The following SHISAL1 variants were observed in gnomAD, a reference collection of about 807,000 sequenced individuals.
SHISAL1 encodes shisa like 1.
A neutral mutation model predicts 22.6 loss-of-function variants in SHISAL1; 9 were observed. The observed-to-expected ratio is 0.40, with a 90% CI of 0.24 to 0.70. SHISAL1 has a LOEUF of 0.70. Among genes scored for constraint, SHISAL1 ranks in the 30% least tolerant of loss-of-function variants. SHISAL1 has a pLI of 0.39. For synonymous variants in SHISAL1, 119 were observed against 115.4 expected (o/e 1.03, Z -0.20); for missense variants, 246 against 270.6 (o/e 0.91, Z 0.64).
At chr22:44,288,271 G>C (rs1299964592) in intron 3 of SHISAL1, among the ~76,000 whole-genome samples, 2 of 152,206 alleles carry the variant, frequency 1.3e-5, no homozygotes, top group African/African-American at 2.4e-5. Flanking sequence ...CAGCAGCTGA[G>C]CTCTAGAGTT....
At chr22:44,303,197 G>A (rs187049608) in intron 1 of SHISAL1, among the ~76,000 whole-genome samples, 16 of 152,028 alleles carry the variant, frequency 1.1e-4, no homozygotes, top group Non-Finnish European at 2.2e-4. Context: ...GCCCGGCTCT[G>A]GGCCAGAAGA....
chr22:44,253,666 T>C (rs79016178), intron 4 of SHISAL1, among the ~76,000 whole-genome samples: 9,292 of 151,328 alleles, frequency 0.061, 356 homozygotes, highest in East Asian at 0.094. Context: ...GGTCTTGAAC[T>C]CCTGACCACA....
chr22:44,279,667 C>G (rs2055263124), intron 4 of SHISAL1, among the ~76,000 whole-genome samples: 1 of 152,150 alleles, frequency 6.6e-6, no homozygotes, highest in Admixed American at 6.5e-5. Context: ...TAGGCAGAGG[C>G]CAATGGATGG....
At chr22:44,324,714 T>C in the SHISAL1 span, among the ~76,000 whole-genome samples, 2,020 of 152,318 alleles carry the variant, frequency 0.013, 27 homozygotes, top group Non-Finnish European at 0.018. Context: ...AATCCCAGCA[T>C]AGCCTCGGGA....
At chr22:44,253,832 CTG>C (rs61001074) in intron 4 of SHISAL1, among the ~76,000 whole-genome samples, 88 of 149,034 alleles carry the variant, frequency 5.9e-4, no homozygotes, top group African/African-American at 9.3e-4. Flanking sequence ...AATCTAACAA[CTG>C]TGTGTGTGTG....
At chr22:44,277,818 C>A (rs12483789) in intron 4 of SHISAL1, among the ~76,000 whole-genome samples, 12,276 of 152,258 alleles carry the variant, frequency 0.081, 1,107 homozygotes, top group African/African-American at 0.2. Flanking sequence ...GTTATGAACA[C>A]TTTTCCATCA....
chr22:44,255,573 C>T (rs992401016), intron 4 of SHISAL1, among the ~76,000 whole-genome samples: 1 of 152,246 alleles, frequency 6.6e-6, no homozygotes, highest in Non-Finnish European at 1.5e-5. Flanking sequence ...GCTGCCTCCA[C>T]TGCTCCTACT....
In SHISAL1 at chr22:44,265,166, C is replaced by A. The variant is rs1445153107; in HGVS notation, c.*-15481G>T. Among the ~76,000 whole-genome samples the A allele has an allele frequency of 2.0e-5, 3 of 152,180 alleles. 1 individual carries two copies. Among genetic ancestry groups the A allele is most frequent in the African/African-American group, 7.2e-5 (3 of 41,448 alleles). On this transcript the variant is annotated intron_variant, in intron 4 of 4. Transcript: ENST00000381176. Reference sequence around the variant, plus strand: ...TCCAAAGAATCTACCTTCAGCTACTCACACCCTCCCCTTTGGTACCAAGGG... The same window carrying A: ...TCCAAAGAATCTACCTTCAGCTACTAACACCCTCCCCTTTGGTACCAAGGG...
intron 4 of SHISAL1, among the ~76,000 whole-genome samples, chr22:44,265,985 G>A (rs776991893): frequency 1.3e-5 from 2 of 152,224 alleles, no homozygotes; most frequent in South Asian, 4.1e-4. Flanking sequence ...GTCTGGATCA[G>A]GCTTCTCTGC....
At chr22:44,302,286 G>A (rs1192264269) in intron 1 of SHISAL1, among the ~76,000 whole-genome samples, 2 of 148,476 alleles carry the variant, frequency 1.3e-5, no homozygotes, top group African/African-American at 5.1e-5. Flanking sequence ...GCTGCAGTGA[G>A]CTGAGATCAC....
At chr22:44,264,415 GGA>G (rs2055147328) in intron 4 of SHISAL1, among the ~76,000 whole-genome samples, 1 of 152,152 alleles carries the variant, frequency 6.6e-6, no homozygotes, top group Non-Finnish European at 1.5e-5. Flanking sequence ...GAGCTTTATG[GGA>G]GAGTTTGCTG....
At chr22:44,302,026 C>T (rs1442566277) in intron 1 of SHISAL1, among the ~76,000 whole-genome samples, 5 of 152,120 alleles carry the variant, frequency 3.3e-5, no homozygotes, top group African/African-American at 1.2e-4. Flanking sequence ...TACTCAATGC[C>T]ACTGACTGTC....
intron 1 of SHISAL1, among the ~76,000 whole-genome samples, chr22:44,303,197 G>C (rs187049608): frequency 2.0e-5 from 3 of 152,146 alleles, no homozygotes; most frequent in East Asian, 1.9e-4. Context: ...GCCCGGCTCT[G>C]GGCCAGAAGA....
chr22:44,273,200 C>T (rs191957545), intron 4 of SHISAL1, among the ~76,000 whole-genome samples: 268 of 152,250 alleles, frequency 1.8e-3, no homozygotes, highest in Non-Finnish European at 2.7e-3. Context: ...GCATTTGGAC[C>T]ATTATGCACA....
chr22:44,326,482 C>T, the SHISAL1 span, among the ~76,000 whole-genome samples: 6 of 152,088 alleles, frequency 3.9e-5, no homozygotes, highest in Non-Finnish European at 5.9e-5. Context: ...TCAAAGATCA[C>T]GGTTTGTCTC....
the SHISAL1 span, among the ~76,000 whole-genome samples, chr22:44,325,695 G>A: frequency 2.0e-5 from 3 of 152,074 alleles, no homozygotes; most frequent in South Asian, 2.1e-4. Context: ...AACTTGGCCT[G>A]CCTTGGGCTA....
In SHISAL1 at chr22:44,270,236, C is replaced by T. The variant is rs193200391; in HGVS notation, c.599+15192G>A. On this transcript the variant is annotated intron_variant, in intron 4 of 4. Transcript: ENST00000381176. ...TCGACAACCCTGCAGACTTGAGTCC[C>T]GAATCTCCCTCCCTCTTGGATGCCG... Among the ~76,000 whole-genome samples the T allele has an allele frequency of 7.2e-5, 11 of 152,292 alleles. No individual in the cohort carries two copies. The East Asian group carries it at 7.7e-4, about 11-fold the overall frequency.
At chr22:44,276,997 C>T (rs1198456029) in intron 4 of SHISAL1, among the ~76,000 whole-genome samples, 1 of 152,202 alleles carries the variant, frequency 6.6e-6, no homozygotes, top group Non-Finnish European at 1.5e-5. Flanking sequence ...TCAGCCCCTC[C>T]CTCCTCCGAG....
chr22:44,283,652 G>A (rs547763756), intron 4 of SHISAL1, among the ~76,000 whole-genome samples: 6 of 152,304 alleles, frequency 3.9e-5, no homozygotes, highest in South Asian at 2.1e-4. Flanking sequence ...GCAAGTGTTC[G>A]GCGAGGTGTG....
Sources: gnomAD v4.1 joint callset for allele counts (sites outside exome capture counted in the v4.1 genomes callset) on GRCh38, gnomAD v4.1.1 for gene constraint, MANE v1.5 for transcripts, NCBI Gene and HGNC (gene_info 2026-07-23, HGNC 2026-07-21) for gene names.